Variants in NCOA2 observed in about 807,000 individuals in gnomAD.
NCOA2 encodes class E basic helix-loop-helix protein 75.
In NCOA2, 21 loss-of-function variants were observed where a neutral mutation model predicts 145.1. The observed-to-expected ratio is 0.14, with a 90% CI of 0.10 to 0.21. NCOA2 has a LOEUF of 0.21. NCOA2 is among the 10% of genes least tolerant of loss of function. The pLI is 1.00. For missense variants in NCOA2, 1,472 were observed against 1,837.6 expected (o/e 0.80, Z 3.64); for synonymous variants, 619 against 637.5 (o/e 0.97, Z 0.44).
At chr8:70,374,782 A>T (rs1387342701) in intron 1 of NCOA2, among the ~76,000 whole-genome samples, 1 of 151,600 alleles carries the variant, frequency 6.6e-6, no homozygotes, top group Non-Finnish European at 1.5e-5. Flanking sequence ...AGACAGAGAA[A>T]GATGCTGTCT....
At chr8:70,340,750 AT>A (rs1181617880) in intron 1 of NCOA2, among the ~76,000 whole-genome samples, 9 of 152,326 alleles carry the variant, frequency 5.9e-5, no homozygotes, top group African/African-American at 1.9e-4. Flanking sequence ...CTATGCAGCC[AT>A]AAAAAGGAAC....
In NCOA2 at chr8:70,203,035, C is replaced by T. The variant is rs1029371099; in HGVS notation, c.259+10868G>A. The stretch of plus-strand genomic sequence containing the variant: ...ATCCCAGCACTTTGGGAGGCTGAGG[C>T]AGGTGGATCACGAGGTCAAAAGATC... On this transcript the variant is annotated intron_variant, in intron 4 of 22. Transcript: ENST00000452400. Among the ~76,000 whole-genome samples, 51 of 152,184 alleles carry T rather than the reference C, an allele frequency of 3.4e-4. 1 individual carries two copies. The highest frequency in any genetic ancestry group is 1.6e-3 in the Admixed American group (25 of 15,288).
At chr8:70,232,870 T>TACACACACACACACACAC (rs71275059) in intron 2 of NCOA2, among the ~76,000 whole-genome samples, 12,278 of 145,200 alleles carry the variant, frequency 0.085, 611 homozygotes, top group Non-Finnish European at 0.11. Context: ...ATTTAGAATT[T>TACACACACACACACACAC]ACACACACAC....
intron 10 of NCOA2, among the ~76,000 whole-genome samples, chr8:70,158,279 A>G (rs751696245): frequency 3.0e-4 from 46 of 152,350 alleles, no homozygotes; most frequent in Non-Finnish European, 5.1e-4. Flanking sequence ...ATATTTACTG[A>G]TAGGACCTCA....
In NCOA2 at chr8:70,337,580, T is replaced by C. The variant is rs181820953; in HGVS notation, c.-76-40780A>G. ...AAACAGTCAAAACCCCTTCACAGTG[T>C]TGCTCTCAGGTTTAAGTAAGTCAAT... On this transcript the variant is annotated intron_variant, in intron 1 of 22. Coordinates refer to ENST00000452400, the MANE Select transcript of NCOA2 (RefSeq NM_006540.4). Among the ~76,000 whole-genome samples the C allele has an allele frequency of 1.8e-4, 27 of 152,276 alleles. No homozygotes were observed. The East Asian group carries it at 2.5e-3, about 14-fold the overall frequency.
At chr8:70,333,148 A>G (rs942227782) in intron 1 of NCOA2, among the ~76,000 whole-genome samples, 5 of 152,154 alleles carry the variant, frequency 3.3e-5, no homozygotes, top group African/African-American at 1.2e-4. Context: ...TAGTTGCAGC[A>G]TTTATCAAAG....
intron 12 of NCOA2, among the ~76,000 whole-genome samples, chr8:70,147,389 C>T (rs1373723658): frequency 6.6e-6 from 1 of 152,200 alleles, no homozygotes; most frequent in Non-Finnish European, 1.5e-5. Flanking sequence ...TATGATTTGA[C>T]TGATGGTTGC....
At chr8:70,346,421 G>A (rs574767593) in intron 1 of NCOA2, among the ~76,000 whole-genome samples, 4 of 152,310 alleles carry the variant, frequency 2.6e-5, no homozygotes, top group Admixed American at 1.3e-4. Flanking sequence ...AAGGCCTGTA[G>A]CTGCACTGAG....
At chr8:70,383,785 G>A (rs961430166) in intron 1 of NCOA2, among the ~76,000 whole-genome samples, 5 of 152,168 alleles carry the variant, frequency 3.3e-5, no homozygotes, top group African/African-American at 4.8e-5. Flanking sequence ...GATTACAGGC[G>A]TGAGCCACCG....
At chr8:70,419,168 G>T in the NCOA2 span, among the ~76,000 whole-genome samples, 2 of 150,504 alleles carry the variant, frequency 1.3e-5, no homozygotes, top group East Asian at 3.9e-4. Context: ...TATTTGGCTT[G>T]GTTTCACTGT....
At chr8:70,452,628 T>G in the NCOA2 span, among the ~76,000 whole-genome samples, 11 of 152,188 alleles carry the variant, frequency 7.2e-5, no homozygotes, top group African/African-American at 2.4e-4. Flanking sequence ...CTAGATAGAA[T>G]TGAAGTTTGT....
intron 1 of NCOA2, among the ~76,000 whole-genome samples, chr8:70,354,949 C>T (rs771177533): frequency 1.3e-5 from 2 of 152,068 alleles, no homozygotes; most frequent in African/African-American, 2.4e-5. Flanking sequence ...ATGATCAAAG[C>T]CTACAGTAAT....
At chr8:70,392,429 T>C (rs977567705) in intron 1 of NCOA2, among the ~76,000 whole-genome samples, 1 of 152,126 alleles carries the variant, frequency 6.6e-6, no homozygotes, top group African/African-American at 2.4e-5. Context: ...TCCCACAAAA[T>C]AAGAAATTAT....
intron 5 of NCOA2, among the ~76,000 whole-genome samples, chr8:70,173,424 A>C (rs1455244185): frequency 6.6e-6 from 1 of 152,236 alleles, no homozygotes; most frequent in Non-Finnish European, 1.5e-5. Context: ...TTTGTAATTC[A>C]AACATTTTCC....
chr8:70,190,896 T>C (rs1404252818), intron 4 of NCOA2, among the ~76,000 whole-genome samples: 1 of 152,108 alleles, frequency 6.6e-6, no homozygotes, highest in Non-Finnish European at 1.5e-5. Flanking sequence ...AATGACTACA[T>C]TATAAATGAG....
At chr8:70,344,705 TC>T (rs1203593804) in intron 1 of NCOA2, among the ~76,000 whole-genome samples, 1 of 152,132 alleles carries the variant, frequency 6.6e-6, no homozygotes, top group Non-Finnish European at 1.5e-5. Context: ...GGAGTAAAGT[TC>T]CATGAGCAGG....
intron 8 of NCOA2, 34 bp downstream of exon 8, chr8:70,163,431 G>T: frequency 1.4e-6 from 2 of 1,476,916 alleles, no homozygotes; most frequent in South Asian, 1.1e-5. Flanking sequence ...ATTCTAAAAT[G>T]ATTCCTTTGG....
At chr8:70,166,215 T>C (rs1785253989) in intron 7 of NCOA2, among the ~76,000 whole-genome samples, 4 of 152,200 alleles carry the variant, frequency 2.6e-5, no homozygotes, top group African/African-American at 7.2e-5. Context: ...AATACAGTTA[T>C]ACTAGTACAG....
rs73291114 is a variant in NCOA2, at chr8:70,228,083, C to T, written c.-19-11319G>A. ...CCTACAGAATGTTTACTGAGAATTACTAGAACTTAGAAAGTCTTTTTTACA... is the reference window on the plus strand; with the variant it reads ...CCTACAGAATGTTTACTGAGAATTATTAGAACTTAGAAAGTCTTTTTTACA... On this transcript the variant is annotated intron_variant, in intron 2 of 22. Coordinates refer to ENST00000452400, the MANE Select transcript of NCOA2 (RefSeq NM_006540.4). 4.2e-3 allele frequency among the ~76,000 whole-genome samples: 632 copies of T among 150,866 alleles called. 4 individuals carry two copies. Among genetic ancestry groups the T allele is most frequent in the African/African-American group, 0.015 (603 of 41,132 alleles).
Sources: gnomAD v4.1 joint callset for allele counts (sites outside exome capture counted in the v4.1 genomes callset) on GRCh38, gnomAD v4.1.1 for gene constraint, MANE v1.5 for transcripts, NCBI Gene and HGNC (gene_info 2026-07-23, HGNC 2026-07-21) for gene names.